The following CACUL1 variants were observed in gnomAD, a reference collection of about 807,000 sequenced individuals.
CACUL1 encodes CDK2-associated and cullin domain-containing protein 1.
A neutral mutation model predicts 45.2 loss-of-function variants in CACUL1; 13 were observed. The ratio of observed to expected loss-of-function variants is 0.29; its 90% confidence interval spans 0.19 to 0.46. The LOEUF (loss-of-function observed/expected upper bound fraction) is 0.46, where lower values mean the gene tolerates loss of function less well. Ranked by LOEUF, CACUL1 falls within the 20% of genes least tolerant of loss-of-function variation. CACUL1 has a pLI of 1.00. For synonymous variants in CACUL1, 197 were observed against 174.2 expected (o/e 1.13, Z -1.03); for missense variants, 421 against 471.4 (o/e 0.89, Z 0.99).
chr10:118,754,860 G>C lies in CACUL1; in HGVS notation c.-98C>G. 1 of 1,464,308 alleles carries C rather than the reference G, an allele frequency of 6.8e-7. No individual in the cohort carries two copies. Among genetic ancestry groups the C allele is most frequent in the Non-Finnish European group, 9.1e-7 (1 of 1,101,010 alleles). 90.7% of individuals were successfully genotyped at this position (1,464,308 alleles called of 1,614,324 possible). On this transcript the variant is annotated 5_prime_UTR_variant, in exon 1 of 9. Coordinates refer to ENST00000369151, the MANE Select transcript of CACUL1 (RefSeq NM_153810.5). ...GCTGCCTCCCCGAGTTACATCGCCG[G>C]CGGCAGGAATGGGCGCAGCGGAGAG...
At chr10:118,736,828 C>T (rs1845745270) in intron 1 of CACUL1, among the ~76,000 whole-genome samples, 1 of 152,002 alleles carries the variant, frequency 6.6e-6, no homozygotes, top group South Asian at 2.1e-4. Flanking sequence ...TTATACCATG[C>T]TTTTACTGTA....
chr10:118,738,743 A>T (rs746552914), intron 1 of CACUL1, among the ~76,000 whole-genome samples: 7 of 152,090 alleles, frequency 4.6e-5, no homozygotes, highest in Non-Finnish European at 7.3e-5. Context: ...AGAAAGTCTC[A>T]GACAAGAGAG....
intron 7 of CACUL1, among the ~76,000 whole-genome samples, chr10:118,688,144 A>G (rs1341002846): frequency 2.0e-5 from 3 of 152,228 alleles, no homozygotes; most frequent in Admixed American, 1.3e-4. Context: ...TGACCGGCAG[A>G]AAGAGTACAC....
At position 118,699,122 on chromosome 10, in the gene CACUL1, C is replaced by T. The variant is rs183001389; in HGVS notation, c.796+2184G>A. ...TAGGTCCTACCACATACAAGCAGTG[C>T]ATGTGTGTTTAAAAACCTTTTGATG... On this transcript the variant is annotated intron_variant, in intron 5 of 8. Transcript: ENST00000369151. Among the ~76,000 whole-genome samples, 615 of 152,246 alleles carry T rather than the reference C, an allele frequency of 4.0e-3. 7 individuals are homozygous for T. Among genetic ancestry groups the T allele is most frequent in the African/African-American group, 0.014 (594 of 41,532 alleles).
At chr10:118,694,438 A>G (rs1845300847) in intron 6 of CACUL1, among the ~76,000 whole-genome samples, 1 of 152,238 alleles carries the variant, frequency 6.6e-6, no homozygotes, top group Non-Finnish European at 1.5e-5. Flanking sequence ...TACTATCTAA[A>G]AAGCATTCCT....
chr10:118,722,507 T>C (rs1845610763), intron 3 of CACUL1, among the ~76,000 whole-genome samples: 1 of 152,172 alleles, frequency 6.6e-6, no homozygotes, highest in African/African-American at 2.4e-5. Context: ...TTGTCCAGCA[T>C]ATGCACACTG....
chr10:118,742,846 A>G (rs1466533625), intron 1 of CACUL1, among the ~76,000 whole-genome samples: 1 of 152,234 alleles, frequency 6.6e-6, no homozygotes, highest in African/African-American at 2.4e-5. Context: ...CAAAAGAACT[A>G]TAAGACTTTA....
intron 4 of CACUL1, among the ~76,000 whole-genome samples, chr10:118,701,752 A>AC: frequency 6.6e-6 from 1 of 152,328 alleles, no homozygotes; most frequent in South Asian, 2.1e-4. Flanking sequence ...AATGAAAAGT[A>AC]CCCCATTTAT....
Position 118,684,813 on chromosome 10 carries a change from G to A in CACUL1, c.*1315C>T, listed in dbSNP as rs548528049. The stretch of plus-strand genomic sequence containing the variant: ...TTCTCTGAAGAGGTAAATACTATTA[G>A]TCTGATGTTGCCTAGTAGAGAAGCC... On this transcript the variant is annotated 3_prime_UTR_variant, in exon 9 of 9. Transcript: ENST00000369151. 1 of 152,328 alleles carries A rather than the reference G, an allele frequency of 6.6e-6. No homozygotes were observed. The highest frequency in any genetic ancestry group is 1.5e-5 in the Non-Finnish European group (1 of 68,028). 9.4% of individuals were successfully genotyped at this position (152,328 alleles called of 1,614,324 possible). A position where few individuals can be genotyped will look rare whatever the true frequency, so the allele number is the denominator to read the frequency against.
At chr10:118,735,913 G>A (rs867153060) in intron 1 of CACUL1, among the ~76,000 whole-genome samples, 12 of 151,930 alleles carry the variant, frequency 7.9e-5, no homozygotes, top group Non-Finnish European at 5.9e-5. Flanking sequence ...AACAGACAAG[G>A]AGAAAAGAGC....
intron 6 of CACUL1, among the ~76,000 whole-genome samples, chr10:118,694,110 C>T (rs12217458): frequency 6.6e-6 from 1 of 152,074 alleles, no homozygotes; most frequent in Non-Finnish European, 1.5e-5. Flanking sequence ...GTGATCTGCC[C>T]GCCTCGGCCT....
intron 3 of CACUL1, among the ~76,000 whole-genome samples, chr10:118,716,394 G>C (rs375822736): frequency 6.7e-6 from 1 of 149,782 alleles, no homozygotes; most frequent in African/African-American, 2.5e-5. Flanking sequence ...ACTATAGATC[G>C]TCACCATCTC....
rs528921453 is a variant in CACUL1, at chr10:118,692,822, A to G, written c.887-1419T>C. ...GGTAAGTAAAAAAGTAGAAGTTAAT[A>G]AAACGTCTAACAGGAGAATAGCTAA... On this transcript the variant is annotated intron_variant, in intron 6 of 8. Coordinates refer to ENST00000369151, the MANE Select transcript of CACUL1 (RefSeq NM_153810.5). 7.2e-5 allele frequency: 11 copies of G among 152,368 alleles called. No homozygotes were observed. In the South Asian group the frequency reaches 1.2e-3, roughly 17 times the overall value. 9.4% of individuals were successfully genotyped at this position (152,368 alleles called of 1,614,324 possible).
chr10:118,716,303 GTA>G (rs1845544258), intron 3 of CACUL1, among the ~76,000 whole-genome samples: 1 of 124,832 alleles, frequency 8.0e-6, no homozygotes, highest in Non-Finnish European at 1.8e-5. Context: ...TACCATTTTG[GTA>G]TTTTTTTTTT....
rs1389221021 is a variant in CACUL1, at chr10:118,677,897, C to G, written c.*8231G>C. 2 of 152,152 alleles carry G rather than the reference C, an allele frequency of 1.3e-5. No homozygotes were observed. Among genetic ancestry groups the G allele is most frequent in the African/African-American group, 4.8e-5 (2 of 41,430 alleles). 9.4% of individuals were successfully genotyped at this position (152,152 alleles called of 1,614,324 possible). On this transcript the variant is annotated 3_prime_UTR_variant, in exon 9 of 9. Coordinates refer to ENST00000369151, the MANE Select transcript of CACUL1 (RefSeq NM_153810.5). ...TGGGCTATTAAGAGGTGCCTATGCT[C>G]AATTTCATTAGATAATACTGTTCTC...
In CACUL1 at chr10:118,729,521, C is replaced by A. The variant is rs552743537; in HGVS notation, c.495-124G>T. 57 of 667,552 alleles carry A rather than the reference C, an allele frequency of 8.5e-5. No homozygotes were observed. In the Admixed American group the frequency reaches 9.5e-4, roughly 11 times the overall value. The allele number at this position is 667,552 out of a possible 1,614,324, so 41.4% of individuals were successfully genotyped here. ...AATAATTCATACCTTCAAAAAGTAACCAATCACAACTTTTAAATAAAAACT... is the reference window on the plus strand; with the variant it reads ...AATAATTCATACCTTCAAAAAGTAAACAATCACAACTTTTAAATAAAAACT... On this transcript the variant is annotated intron_variant, in intron 2 of 8. Coordinates refer to ENST00000369151, the MANE Select transcript of CACUL1 (RefSeq NM_153810.5).
chr10:118,736,959 T>C (rs1478565006), intron 1 of CACUL1, among the ~76,000 whole-genome samples: 2 of 152,176 alleles, frequency 1.3e-5, no homozygotes, highest in African/African-American at 2.4e-5. Flanking sequence ...CTATATCTTA[T>C]ATAGCTTAAG....
intron 3 of CACUL1, among the ~76,000 whole-genome samples, chr10:118,718,304 T>A (rs1480552216): frequency 6.6e-6 from 1 of 152,060 alleles, no homozygotes; most frequent in South Asian, 2.1e-4. Flanking sequence ...AAGGTAAAAT[T>A]TGGTTGCCAC....
At chr10:118,746,626 T>C (rs1468902322) in intron 1 of CACUL1, among the ~76,000 whole-genome samples, 1 of 152,070 alleles carries the variant, frequency 6.6e-6, no homozygotes, top group African/African-American at 2.4e-5. Context: ...GAAAAACATG[T>C]ACTCTTCAGA....
Sources: gnomAD v4.1 joint callset for allele counts (sites outside exome capture counted in the v4.1 genomes callset) on GRCh38, gnomAD v4.1.1 for gene constraint, MANE v1.5 for transcripts, NCBI Gene and HGNC (gene_info 2026-07-23, HGNC 2026-07-21) for gene names.